The following TCEA2 variants were observed in gnomAD, a reference collection of about 807,000 sequenced individuals.
The protein encoded by TCEA2 is transcription elongation factor A protein 2.
A neutral mutation model predicts 40.8 loss-of-function variants in TCEA2; 21 were observed. That is an observed-to-expected ratio of 0.51 (90% CI 0.36 to 0.74). The LOEUF is 0.74. Ranked by LOEUF, TCEA2 falls within the 30% of genes least tolerant of loss-of-function variation. TCEA2 has a pLI of 0.00. For synonymous variants in TCEA2, 165 were observed against 162.7 expected, an observed-to-expected ratio of 1.01 and a Z score of -0.11; for missense variants, 326 against 426.5, an observed-to-expected ratio of 0.76 and a Z score of 2.08.
rs201649005 is a variant in TCEA2, at chr20:64,070,396, C to T, written c.654C>T (p.Ile218=). Reference sequence around the variant, plus strand: ...GTGGGGCCATAACACCCCAGCAGATCGCTGTGATGACCTCAGAGGTGAGCC... The same window carrying T: ...GTGGGGCCATAACACCCCAGCAGATTGCTGTGATGACCTCAGAGGTGAGCC... The part of the protein sequence containing the change: ...VLCGAITPQQ[I]AVMTSEEMAS... The change falls in exon 7 of 10, where the codon ATC becomes ATT. Residue 218 remains isoleucine, a synonymous_variant. Transcript: ENST00000343484. The T allele has an allele frequency of 5.6e-6, 9 of 1,614,062 alleles. No homozygotes were observed. The highest frequency in any genetic ancestry group is 1.6e-4 in the Middle Eastern group (1 of 6,084).
upstream of TCEA2, among the ~76,000 whole-genome samples, chr20:64,061,922 T>C: frequency 6.6e-6 from 1 of 151,614 alleles, no homozygotes; most frequent in East Asian, 1.9e-4. Flanking sequence ...AGAGACGGGG[T>C]TTCACCATAT....
intron 5 of TCEA2, 135 bp from the exon 6 acceptor site, chr20:64,069,630 G>T: frequency 2.0e-6 from 3 of 1,530,904 alleles, no homozygotes; most frequent in Non-Finnish European, 2.7e-6. Flanking sequence ...GCAGGGGCTA[G>T]GGGCCTGTGC....
chr20:64,062,741 A>G (rs6089786), upstream of TCEA2: 150,234 of 152,410 alleles, frequency 0.99, 74,072 homozygotes, highest in East Asian at 1. Context: ...TCTACTCAGA[A>G]GCCCGAATGA....
At chr20:64,072,071 T>C (rs2145523582) in intron 9 of TCEA2, 101 bp from the exon 10 acceptor site, 11 of 1,596,374 alleles carry the variant, frequency 6.9e-6, no homozygotes, top group Admixed American at 3.4e-5. Context: ...GTCTTGGGCA[T>C]GGTGGGTGGA....
chr20:64,059,282 C>A (rs986108456), upstream of TCEA2, among the ~76,000 whole-genome samples: 6 of 152,100 alleles, frequency 3.9e-5, no homozygotes, highest in Admixed American at 2.0e-4. Context: ...TCTCTGACCC[C>A]CTGGATTGTT....
At chr20:64,069,262 G>A in intron 4 of TCEA2, 99 bp from the exon 5 acceptor site, 1 of 1,455,052 alleles carries the variant, frequency 6.9e-7, no homozygotes, top group Non-Finnish European at 9.1e-7. Context: ...AGGGGTTGGT[G>A]GGGGATTATG....
intron 8 of TCEA2, among the ~76,000 whole-genome samples, chr20:64,071,157 G>A (rs1425881005): frequency 1.3e-5 from 2 of 152,174 alleles, no homozygotes; most frequent in Non-Finnish European, 2.9e-5. Flanking sequence ...AGACCAGCCT[G>A]ACCAACATGG....
chr20:64,060,070 A>C (rs2059532526), upstream of TCEA2, among the ~76,000 whole-genome samples: 1 of 152,060 alleles, frequency 6.6e-6, no homozygotes, highest in African/African-American at 2.4e-5. Flanking sequence ...CAGCTCCTTG[A>C]TGCTTCTGGG....
chr20:64,071,083 C>T (rs535932455), intron 8 of TCEA2, among the ~76,000 whole-genome samples: 72 of 152,258 alleles, frequency 4.7e-4, no homozygotes, highest in African/African-American at 1.5e-3. Context: ...GGTGCAGTGG[C>T]TCACATCTGT....
At chr20:64,059,793 C>A (rs548623039), upstream of TCEA2, among the ~76,000 whole-genome samples, 12 of 152,256 alleles carry the variant, frequency 7.9e-5, no homozygotes, top group African/African-American at 2.6e-4. Flanking sequence ...AAAAGCATCC[C>A]TCATGCAAAG....
Position 64,069,345 on chromosome 20 carries a change from C to A in TCEA2, c.330-16C>A, listed in dbSNP as rs185717795. 5.1e-6 allele frequency: 8 copies of A among 1,563,820 alleles called. No homozygotes were observed. The highest frequency in any genetic ancestry group is 6.1e-6 in the Non-Finnish European group (7 of 1,153,440). On this transcript the variant is annotated splice_polypyrimidine_tract_variant and intron_variant, in intron 4 of 9. Coordinates refer to ENST00000343484, the MANE Select transcript of TCEA2 (RefSeq NM_003195.6). The stretch of plus-strand genomic sequence containing the variant: ...CAGCCTTGAGTCTGAACCCAGCTGG[C>A]CCTGGCTCTCTGCAGCCGCAAGAGG...
chr20:64,060,934 C>T (rs533428569), upstream of TCEA2, among the ~76,000 whole-genome samples: 5 of 151,722 alleles, frequency 3.3e-5, no homozygotes, highest in Non-Finnish European at 2.9e-5. Flanking sequence ...GGACTACAGG[C>T]GCATGCCGCC....
In TCEA2 at chr20:64,065,049, C is replaced by T. The variant is rs1016770925; in HGVS notation, c.73-1427C>T. On this transcript the variant is annotated intron_variant, in intron 1 of 9. Coordinates refer to ENST00000343484, the MANE Select transcript of TCEA2 (RefSeq NM_003195.6). The stretch of plus-strand genomic sequence containing the variant: ...GGGGAGAATGAGGAGGGGAGGCGGG[C>T]GCTGTGCAGTGGGGAGTGGGAGCCA... Among the ~76,000 whole-genome samples, 33 of 152,002 alleles carry T rather than the reference C, an allele frequency of 2.2e-4. 1 individual carries two copies. Among genetic ancestry groups the T allele is most frequent in the African/African-American group, 3.6e-4 (15 of 41,448 alleles).
chr20:64,060,900 C>T (rs2059549283), upstream of TCEA2, among the ~76,000 whole-genome samples: 1 of 151,942 alleles, frequency 6.6e-6, no homozygotes, highest in Non-Finnish European at 1.5e-5. Flanking sequence ...AGCGATTCTC[C>T]TGCCTCAGCC....
chr20:64,069,408 C>T lies in TCEA2; in HGVS notation c.377C>T (p.Thr126Ile), dbSNP rs1198816686. 1 of 1,612,118 alleles carries T rather than the reference C, an allele frequency of 6.2e-7. No homozygotes were observed. The highest frequency in any genetic ancestry group is 8.5e-7 in the Non-Finnish European group (1 of 1,179,426). The change falls in exon 5 of 10, where the codon ACC (threonine) becomes ATC (isoleucine). Residue 126 changes from threonine (T) to isoleucine (I), a missense_variant. Transcript: ENST00000343484. The stretch of plus-strand genomic sequence containing the variant: ...AGGGCACCGTCGACTCCGAGGATCA[C>T]CACATTTCCTCCGGTGCCTGTCACC... The part of the protein sequence containing the change: ...LPRAPSTPRI[T>I]TFPPVPVTCD...
At chr20:64,058,299 C>G (rs986618214), upstream of TCEA2, among the ~76,000 whole-genome samples, 2 of 152,238 alleles carry the variant, frequency 1.3e-5, no homozygotes, top group Admixed American at 1.3e-4. This position sits in a 1 kb window ranked among gnomAD's most constrained non-coding sequence, Gnocchi z 6.7. Flanking sequence ...CTAATGCAGC[C>G]CCGTAGGCTG....
chr20:64,071,880 G>C lies in TCEA2; in HGVS notation c.830G>C (p.Arg277Pro). 7 of 1,614,092 alleles carry C rather than the reference G, an allele frequency of 4.3e-6. No individual in the cohort carries two copies. Among genetic ancestry groups the C allele is most frequent in the Non-Finnish European group, 5.9e-6 (7 of 1,180,030 alleles). Residue 277 changes from arginine to proline, a missense_variant, in exon 9 of 10, where the codon CGC becomes CCC. Physicochemically the swap from Arg to Pro is moderately radical, Grantham distance 103 (BLOSUM62 -2). Transcript: ENST00000343484. ...KNCTYTQVQTRSSDEPMTTFV... is the reference protein window; with the variant it reads ...KNCTYTQVQTPSSDEPMTTFV... ...CAGCCCTGTTCACAGGTGCAGACCC[G>C]CAGCTCTGATGAGCCCATGACCACC...
chr20:64,060,252 C>G (rs1005797628), upstream of TCEA2, among the ~76,000 whole-genome samples: 1 of 152,166 alleles, frequency 6.6e-6, no homozygotes, highest in East Asian at 1.9e-4. Flanking sequence ...GGTCTCCCCC[C>G]CACCCCCAGC....
upstream of TCEA2, among the ~76,000 whole-genome samples, chr20:64,059,190 T>C (rs1165565416): frequency 2.0e-5 from 2 of 99,734 alleles, no homozygotes; most frequent in South Asian, 3.2e-4. Flanking sequence ...TGAAACTCTG[T>C]CTCAAAAAAA....
Sources: gnomAD v4.1 joint callset for allele counts (sites outside exome capture counted in the v4.1 genomes callset) on GRCh38, gnomAD v4.1.1 for gene constraint, Gnocchi (gnomAD v3.1) non-coding constraint, MANE v1.5 for transcripts, NCBI Gene and HGNC (gene_info 2026-07-23, HGNC 2026-07-21) for gene names.